The following FHIP2B variants were observed in gnomAD, a reference collection of about 807,000 sequenced individuals.
The protein encoded by FHIP2B is FHF complex subunit HOOK-interacting protein 2B.
A neutral mutation model predicts 84.0 loss-of-function variants in FHIP2B; 72 were observed. That is an observed-to-expected ratio of 0.86 (90% CI 0.71 to 1.04). The LOEUF (loss-of-function observed/expected upper bound fraction) is 1.04, where lower values mean the gene tolerates loss of function less well. Ranked by LOEUF, FHIP2B falls within the 50% of genes least tolerant of loss-of-function variation. FHIP2B has a pLI of 0.00. For missense variants in FHIP2B, 972 were observed against 968.9 expected (o/e 1.00, Z -0.04); for synonymous variants, 497 against 418.7 (o/e 1.19, Z -2.28).
intron 12 of FHIP2B, 175 bp from the exon 13 acceptor site, chr8:22,101,265 C>T (rs572284722): frequency 2.3e-5 from 15 of 644,858 alleles, no homozygotes; most frequent in Admixed American, 1.1e-4. Flanking sequence ...TCAGGTGATC[C>T]GCCCACCTCA....
At chr8:22,099,080 G>A (rs559310473) in intron 8 of FHIP2B, 24 bp downstream of exon 8, 29 of 1,550,310 alleles carry the variant, frequency 1.9e-5, no homozygotes, top group South Asian at 3.5e-5. Context: ...GGCGGAGGCC[G>A]GGCTCTCATG....
intron 9 of FHIP2B, 73 bp downstream of exon 9, chr8:22,099,433 C>G (rs1825979264): frequency 2.0e-6 from 3 of 1,481,648 alleles, no homozygotes; most frequent in Admixed American, 4.1e-5. Context: ...CTCGTCCTGT[C>G]CCTAAGGCCA....
At chr8:22,098,367 G>A (rs971191297) in intron 6 of FHIP2B, 56 bp from the exon 7 acceptor site, 1 of 1,546,024 alleles carries the variant, frequency 6.5e-7, no homozygotes, top group Non-Finnish European at 8.8e-7. Context: ...TTGACGGCTG[G>A]GGGGTGATTT....
In FHIP2B at chr8:22,102,203, C is replaced by T. The variant is rs547050984; in HGVS notation, c.1880C>T (p.Ser627Leu). 9 of 1,613,588 alleles carry T rather than the reference C, an allele frequency of 5.6e-6. No individual in the cohort carries two copies. The highest frequency in any genetic ancestry group is 2.2e-5 in the East Asian group (1 of 44,870). The change falls in exon 15 of 17, where the codon TCG becomes TTG. Residue 627 changes from serine to leucine, a missense_variant. Transcript: ENST00000289921. Reference sequence around the variant, plus strand: ...TACAGCCTGAACCTGCAGGTGACCTCGGTCCTGTCCCGGCTTGCCCTCTTC... The same window carrying T: ...TACAGCCTGAACCTGCAGGTGACCTTGGTCCTGTCCCGGCTTGCCCTCTTC... ...QPYSLNLQVT[S>L]VLSRLALFPH... is the part of the protein sequence containing the mutation.
rs913256330 is a variant in FHIP2B at position 22,099,159 on chromosome 8, G to C, written c.1074+103G>C. ...GGACATGGAAACATGGGGTCCAGGAGCTAAGCGGGGCCCCAGGCGGGCCGG... is the reference window on the plus strand; with the variant it reads ...GGACATGGAAACATGGGGTCCAGGACCTAAGCGGGGCCCCAGGCGGGCCGG... On this transcript the variant is annotated intron_variant, in intron 8 of 16. Transcript: ENST00000289921. The C allele has an allele frequency of 3.4e-6, 5 of 1,491,906 alleles. No homozygotes were observed. The African/African-American group carries it at 6.9e-5, about 21-fold the overall frequency. The allele number at this position is 1,491,906 out of a possible 1,614,324, so 92.4% of individuals were successfully genotyped here.
chr8:22,096,627 T>G (rs1352092573), intron 3 of FHIP2B, 118 bp downstream of exon 3: 1 of 1,357,232 alleles, frequency 7.4e-7, no homozygotes, highest in South Asian at 1.7e-5. Flanking sequence ...ACCCTCTGAG[T>G]GCTGGGCCAG....
chr8:22,090,300 C>T (rs552330290), intron 1 of FHIP2B, among the ~76,000 whole-genome samples: 7 of 152,310 alleles, frequency 4.6e-5, no homozygotes, highest in South Asian at 2.1e-4. Flanking sequence ...GTTTCACCCT[C>T]CTTCCTCCCC....
chr8:22,089,868 G>A (rs1186927070), intron 1 of FHIP2B: 2 of 1,266,624 alleles, frequency 1.6e-6, no homozygotes, highest in Non-Finnish European at 2.1e-6. Context: ...AAGACCCGGG[G>A]CAGGCTGGTG....
chr8:22,094,666 C>T (rs1486041952), intron 2 of FHIP2B, 148 bp downstream of exon 2: 38 of 1,493,128 alleles, frequency 2.5e-5, no homozygotes, highest in Non-Finnish European at 3.1e-5. Flanking sequence ...GAGAACCAGA[C>T]AGACAGAAGA....
At chr8:22,094,760 GAGT>G in intron 2 of FHIP2B, 2 of 1,316,890 alleles carry the variant, frequency 1.5e-6, no homozygotes, top group Non-Finnish European at 1.9e-6. Flanking sequence ...TGTGAGGAAG[GAGT>G]AGCCTGGTTG....
intron 1 of FHIP2B, among the ~76,000 whole-genome samples, chr8:22,090,199 T>C (rs1230754029): frequency 6.6e-6 from 1 of 151,626 alleles, no homozygotes; most frequent in Non-Finnish European, 1.5e-5. Context: ...AGAAGCTGTC[T>C]GTAAAGTCAG....
At chr8:22,094,701 C>T in intron 2 of FHIP2B, 183 bp downstream of exon 2, 1 of 1,422,070 alleles carries the variant, frequency 7.0e-7, no homozygotes, top group East Asian at 3.0e-5. Flanking sequence ...CCACTCCACT[C>T]CTGATGATTT....
intron 10 of FHIP2B, 167 bp from the exon 11 acceptor site, chr8:22,100,427 C>G: frequency 1.6e-6 from 1 of 632,880 alleles, no homozygotes; most frequent in Non-Finnish European, 2.4e-6. Flanking sequence ...CTTCTGGATT[C>G]CTAGGCCCAC....
chr8:22,101,052 G>A (rs1376089434), intron 12 of FHIP2B, 80 bp downstream of exon 12: 20 of 1,491,900 alleles, frequency 1.3e-5, no homozygotes, highest in Middle Eastern at 1.8e-4. Flanking sequence ...GTCTCGCTCC[G>A]TCACCCAGGA....
In FHIP2B at chr8:22,097,621, G is replaced by C. The variant is rs925760199; in HGVS notation, c.402+1G>C. 6.2e-7 allele frequency: 1 copy of C among 1,605,740 alleles called. No individual in the cohort carries two copies. The highest frequency in any genetic ancestry group is 1.3e-5 in the African/African-American group (1 of 74,728). On this transcript the variant is annotated splice_donor_variant, in intron 4 of 16. Transcript: ENST00000289921. LOFTEE classifies it high-confidence loss of function. ...CCTCAGCGTCCACAGGCCTGTGCAG[G>C]TGAGGGGCCCGGAAGCCAAGGGGTG...
At chr8:22,091,878 G>A (rs1157988644) in intron 1 of FHIP2B, among the ~76,000 whole-genome samples, 3 of 152,204 alleles carry the variant, frequency 2.0e-5, no homozygotes, top group Non-Finnish European at 2.9e-5. Context: ...GGAGTTTCCT[G>A]AGATATCTGG....
chr8:22,098,288 T>C lies in FHIP2B; in HGVS notation c.746T>C (p.Leu249Pro). 6.8e-7 allele frequency: 1 copy of C among 1,474,676 alleles called. No individual in the cohort carries two copies. Among genetic ancestry groups the C allele is most frequent in the Non-Finnish European group, 9.1e-7 (1 of 1,104,080 alleles). The allele number at this position is 1,474,676 out of a possible 1,614,324, so 91.3% of individuals were successfully genotyped here. Residue 249 changes from leucine (L) to proline (P), a missense_variant, in exon 6 of 17, where the codon CTG (leucine) becomes CCG (proline). Leu to Pro is a moderately conservative substitution (Grantham distance 98). Coordinates refer to ENST00000289921, the MANE Select transcript of FHIP2B (RefSeq NM_022749.7). ...GTTESNLITS[L>P]LGLCQSKKSR... Reference sequence around the variant, plus strand: ...ACAGAGAGCAACCTGATTACCTCCCTGCTTGGGCTGTGCCAGAGCAAGGTG... The same window carrying C: ...ACAGAGAGCAACCTGATTACCTCCCCGCTTGGGCTGTGCCAGAGCAAGGTG...
At position 22,094,423 on chromosome 8, in the gene FHIP2B, G is replaced by C; in HGVS notation, c.46-17G>C. Reference sequence around the variant, plus strand: ...CCTTTGTGGCCCCCACTGAGGTTGTGTGTCTGCCCTCCGCAGCGCGAGCCC... The same window carrying C: ...CCTTTGTGGCCCCCACTGAGGTTGTCTGTCTGCCCTCCGCAGCGCGAGCCC... On this transcript the variant is annotated splice_polypyrimidine_tract_variant and intron_variant, in intron 1 of 16. Transcript: ENST00000289921. 6.3e-7 allele frequency: 1 copy of C among 1,589,276 alleles called. No homozygotes were observed. Among genetic ancestry groups the C allele is most frequent in the Non-Finnish European group, 8.5e-7 (1 of 1,170,390 alleles).
Position 22,098,632 on chromosome 8 carries a change from C to G in FHIP2B, c.965+13C>G. The G allele has an allele frequency of 6.5e-7, 1 of 1,532,192 alleles. No homozygotes were observed. Among genetic ancestry groups the G allele is most frequent in the Non-Finnish European group, 8.8e-7 (1 of 1,133,604 alleles). 94.9% of individuals were successfully genotyped at this position (1,532,192 alleles called of 1,614,324 possible). A position where few individuals can be genotyped will look rare whatever the true frequency, so the allele number is the denominator to read the frequency against. On this transcript the variant is annotated intron_variant, in intron 7 of 16. Transcript: ENST00000289921. ...GCATCAGCTGGAGGTGGGTGCCCAG[C>G]CCGGGAAGGCCGGCCAGCATCTTCA... is the stretch of plus-strand genomic sequence containing the variant.
Sources: gnomAD v4.1 joint callset for allele counts (sites outside exome capture counted in the v4.1 genomes callset) on GRCh38, gnomAD v4.1.1 for gene constraint, MANE v1.5 for transcripts, NCBI Gene and HGNC (gene_info 2026-07-23, HGNC 2026-07-21) for gene names.